Variants in LRRC55 observed in about 807,000 individuals in gnomAD.
LRRC55 encodes the protein leucine rich repeat containing 55.
In LRRC55, 11 loss-of-function variants were observed where a neutral mutation model predicts 20.5. The observed-to-expected ratio is 0.54, with a 90% CI of 0.34 to 0.89. The LOEUF is 0.89. Among genes scored for constraint, LRRC55 ranks in the 40% least tolerant of loss-of-function variants. LRRC55 has a pLI of 0.02. For synonymous variants in LRRC55, 188 were observed against 166.6 expected, an observed-to-expected ratio of 1.13 and a Z score of -0.99; for missense variants, 358 against 390.9, an observed-to-expected ratio of 0.92 and a Z score of 0.71.
chr11:57,182,275 C>T lies in LRRC55; in HGVS notation c.253C>T (p.Leu85Phe). Residue 85 changes from leucine to phenylalanine, a missense_variant, in exon 1 of 2, where the codon CTC (leucine) becomes TTC (phenylalanine). This residue lies in a region of LRRC55 where 175 missense variants were observed against 164.5 expected (regional missense o/e 1.06). Transcript: ENST00000497933. ...CATCACAGCAGTGCCGCCTGGCTAC[C>T]TCACATGCTACATGGAGCTCCAGGT... Reference protein sequence around the residue: ...NRITAVPPGYLTCYMELQVLD... With the variant: ...NRITAVPPGYFTCYMELQVLD... 1.2e-6 allele frequency: 2 copies of T among 1,614,234 alleles called. No individual in the cohort carries two copies. Among genetic ancestry groups the T allele is most frequent in the Non-Finnish European group, 1.7e-6 (2 of 1,180,034 alleles).
At chr11:57,184,907 T>C (rs60196378) in intron 1 of LRRC55, among the ~76,000 whole-genome samples, 8,245 of 152,180 alleles carry the variant, frequency 0.054, 742 homozygotes, top group African/African-American at 0.19. Flanking sequence ...ATCTACCTAA[T>C]AGACTTTAGA....
Position 57,190,144 on chromosome 11 carries a change from A to G in LRRC55, c.*2664A>G, listed in dbSNP as rs1327252114. 1.3e-5 allele frequency: 2 copies of G among 152,242 alleles called. No homozygotes were observed. Among genetic ancestry groups the G allele is most frequent in the Admixed American group, 1.3e-4 (2 of 15,280 alleles). The allele number at this position is 152,242 out of a possible 1,614,324, so 9.4% of individuals were successfully genotyped here. A position where few individuals can be genotyped will look rare whatever the true frequency, so the allele number is the denominator to read the frequency against. On this transcript the variant is annotated 3_prime_UTR_variant, in exon 2 of 2. Transcript: ENST00000497933. ...TCCCATAGGGGCATACCATAATACT[A>G]TAATAACCTCCCAGGAACTATTGTT...
Position 57,182,126 on chromosome 11 carries a change from G to A in LRRC55, c.104G>A (p.Gly35Asp), listed in dbSNP as rs144753786. The part of the protein sequence containing the change: ...LAAGLMHSDA[G>D]TSCPVLCTCR... Reference sequence around the variant, plus strand: ...GCCGGGTTGATGCACTCGGATGCCGGCACCAGCTGCCCCGTCCTTTGCACA... The same window carrying A: ...GCCGGGTTGATGCACTCGGATGCCGACACCAGCTGCCCCGTCCTTTGCACA... The change falls in exon 1 of 2, where the codon GGC becomes GAC. Residue 35 changes from glycine (G) to aspartate (D), a missense_variant. Transcript: ENST00000497933. 1.6e-4 allele frequency: 260 copies of A among 1,614,136 alleles called. 3 individuals are homozygous for A. The East Asian group carries it at 5.7e-3, about 35-fold the overall frequency.
rs1854461794 is a variant in LRRC55, at chr11:57,188,285, G to T, written c.*805G>T. ...GAGAGGCAGGAGGCCCAGCAACTGG[G>T]GCAGCAAGAGTCCTGGCACCTTGGG... On this transcript the variant is annotated 3_prime_UTR_variant, in exon 2 of 2. Coordinates refer to ENST00000497933, the MANE Select transcript of LRRC55 (RefSeq NM_001005210.4). 2 of 152,640 alleles carry T rather than the reference G, an allele frequency of 1.3e-5. No individual in the cohort carries two copies. Among genetic ancestry groups the T allele is most frequent in the Non-Finnish European group, 2.9e-5 (2 of 68,088 alleles). 9.5% of individuals were successfully genotyped at this position (152,640 alleles called of 1,614,324 possible).
At chr11:57,184,530 CTT>C (rs1208103898) in intron 1 of LRRC55, among the ~76,000 whole-genome samples, 2 of 152,256 alleles carry the variant, frequency 1.3e-5, no homozygotes, top group African/African-American at 4.8e-5. Flanking sequence ...ACAGAACACA[CTT>C]AACACCAGGC....
rs1854457100 is a variant in LRRC55, at chr11:57,187,955, T to C, written c.*475T>C. 1 of 204,510 alleles carries C rather than the reference T, an allele frequency of 4.9e-6. No individual in the cohort carries two copies. Among genetic ancestry groups the C allele is most frequent in the Admixed American group, 6.0e-5 (1 of 16,666 alleles). The allele number at this position is 204,510 out of a possible 1,614,324, so 12.7% of individuals were successfully genotyped here. A position where few individuals can be genotyped will look rare whatever the true frequency, so the allele number is the denominator to read the frequency against. On this transcript the variant is annotated 3_prime_UTR_variant, in exon 2 of 2. Coordinates refer to ENST00000497933, the MANE Select transcript of LRRC55 (RefSeq NM_001005210.4). ...GCATAGTGTGCTGTGTTGAGAAGAG[T>C]GAACAGTTCCTGGTCACTTACTTGT...
At chr11:57,182,815 T>C (rs1207430165) in intron 1 of LRRC55, 132 bp downstream of exon 1, 4 of 918,048 alleles carry the variant, frequency 4.4e-6, no homozygotes, top group Non-Finnish European at 6.0e-6. Context: ...CTTGCCTCTT[T>C]GTACACCAGC....
rs953579285 is a variant in LRRC55, at chr11:57,184,000, T to C, written c.661+1317T>C. ...TCCCAGAACCTGAGCTCAGCCCATGTTGAGAAGAAGCAATGCTGAATGTGG... is the reference window on the plus strand; with the variant it reads ...TCCCAGAACCTGAGCTCAGCCCATGCTGAGAAGAAGCAATGCTGAATGTGG... On this transcript the variant is annotated intron_variant, in intron 1 of 1. Transcript: ENST00000497933. Among the ~76,000 whole-genome samples, 15 of 152,194 alleles carry C rather than the reference T, an allele frequency of 9.9e-5. 1 individual carries two copies. Among genetic ancestry groups the C allele is most frequent in the African/African-American group, 2.4e-4 (10 of 41,450 alleles).
Position 57,187,461 on chromosome 11 carries a change from G to C in LRRC55, c.878G>C (p.Ser293Thr), listed in dbSNP as rs1327911344. The change falls in exon 2 of 2, where the codon AGT (serine) becomes ACT (threonine). Residue 293 changes from serine to threonine, a missense_variant. Transcript: ENST00000497933. ...ANCCHRWSKASEEEEI is the reference protein window; with the variant it reads ...ANCCHRWSKATEEEEI ...TGCTGCCACCGCTGGAGCAAGGCCA[G>C]TGAAGAGGAAGAGATCTGACATGCC... 6.2e-7 allele frequency: 1 copy of C among 1,613,964 alleles called. No homozygotes were observed. The highest frequency in any genetic ancestry group is 8.5e-7 in the Non-Finnish European group (1 of 1,180,048).
In LRRC55 at chr11:57,187,351, T is replaced by A. The variant is rs767758795; in HGVS notation, c.768T>A (p.Asp256Glu). 1 of 1,614,204 alleles carries A rather than the reference T, an allele frequency of 6.2e-7. No homozygotes were observed. The highest frequency in any genetic ancestry group is 2.2e-5 in the East Asian group (1 of 44,878). The change falls in exon 2 of 2, where the codon GAT becomes GAA. Residue 256 changes from aspartate (D) to glutamate (E), a missense_variant. Physicochemically the swap from Asp to Glu is conservative, Grantham distance 45. Transcript: ENST00000497933. ...FKACHLTLTL[D>E]DYLFIAFVGF... The stretch of plus-strand genomic sequence containing the variant: ...CCTGCCACCTGACCCTGACCCTGGA[T>A]GATTACCTATTCATTGCGTTCGTGG...
In LRRC55 at chr11:57,189,630, G is replaced by C. The variant is rs549764100; in HGVS notation, c.*2150G>C. 6.6e-6 allele frequency: 1 copy of C among 152,348 alleles called. No individual in the cohort carries two copies. The highest frequency in any genetic ancestry group is 2.1e-4 in the South Asian group (1 of 4,824). 9.4% of individuals were successfully genotyped at this position (152,348 alleles called of 1,614,324 possible). ...GCGTGTGTTGCAAGAGATACTAAGA[G>C]AGCAAGAAAGCTATAGGTGAGAACC... On this transcript the variant is annotated 3_prime_UTR_variant, in exon 2 of 2. Coordinates refer to ENST00000497933, the MANE Select transcript of LRRC55 (RefSeq NM_001005210.4).
intron 1 of LRRC55, among the ~76,000 whole-genome samples, chr11:57,185,257 T>TTCC (rs1854415370): frequency 6.9e-6 from 1 of 145,178 alleles, no homozygotes; most frequent in Non-Finnish European, 1.5e-5. Context: ...ATCCCCTTCT[T>TTCC]TTCTTTTCTT....
Position 57,182,717 on chromosome 11 carries a change from G to C in LRRC55, c.661+34G>C, listed in dbSNP as rs780322178. On this transcript the variant is annotated intron_variant, in intron 1 of 1. Transcript: ENST00000497933. Reference sequence around the variant, plus strand: ...GGGGCAGAACGGGGCAGTCAACAGGGAGGGCTTGCCTCAATGGGAAGCAAA... The same window carrying C: ...GGGGCAGAACGGGGCAGTCAACAGGCAGGGCTTGCCTCAATGGGAAGCAAA... The C allele has an allele frequency of 2.1e-6, 3 of 1,439,234 alleles. No homozygotes were observed. The South Asian group carries it at 5.5e-5, about 26-fold the overall frequency. 89.2% of individuals were successfully genotyped at this position (1,439,234 alleles called of 1,614,324 possible). A position where few individuals can be genotyped will look rare whatever the true frequency, so the allele number is the denominator to read the frequency against.
At chr11:57,182,813 T>A in intron 1 of LRRC55, 130 bp downstream of exon 1, 1 of 934,992 alleles carries the variant, frequency 1.1e-6, no homozygotes, top group Non-Finnish European at 1.5e-6. Context: ...GGCTTGCCTC[T>A]TTGTACACCA....
rs716745 is a variant in LRRC55, at chr11:57,187,372, C to T, written c.789C>T (p.Phe263=). ...TGGATGATTACCTATTCATTGCGTT[C>T]GTGGGCTTCGTGGTCTCCATTGCTT... ...LTLDDYLFIA[F]VGFVVSIASV... Residue 263 remains phenylalanine, a synonymous_variant, in exon 2 of 2, where the codon TTC becomes TTT. Transcript: ENST00000497933. The T allele has an allele frequency of 0.35, 563,635 of 1,613,938 alleles. 101,439 individuals are homozygous for T. Among genetic ancestry groups the T allele is most frequent in the Non-Finnish European group, 0.38 (447,618 of 1,179,924 alleles).
intron 1 of LRRC55, among the ~76,000 whole-genome samples, chr11:57,185,518 ATCCACC>A (rs5792030): frequency 0.47 from 71,109 of 150,882 alleles, 17,633 homozygotes; most frequent in African/African-American, 0.64. Context: ...TGACCTCATG[ATCCACC>A]TCCACCCGCC....
chr11:57,182,155 C>G lies in LRRC55; in HGVS notation c.133C>G (p.Arg45Gly). The G allele has an allele frequency of 6.2e-7, 1 of 1,614,150 alleles. No homozygotes were observed. Among genetic ancestry groups the G allele is most frequent in the Non-Finnish European group, 8.5e-7 (1 of 1,180,026 alleles). ...GTSCPVLCTC[R>G]NQVVDCSSQR... The stretch of plus-strand genomic sequence containing the variant: ...CAGCTGCCCCGTCCTTTGCACATGC[C>G]GTAACCAGGTGGTGGATTGTAGCAG... The change falls in exon 1 of 2, where the codon CGT becomes GGT. Residue 45 changes from arginine to glycine, a missense_variant. Arg to Gly is a moderately radical substitution (Grantham distance 125). Transcript: ENST00000497933.
At chr11:57,185,270 C>CTTCTTTTTTT (rs1854416014) in intron 1 of LRRC55, among the ~76,000 whole-genome samples, 1 of 89,414 alleles carries the variant, frequency 1.1e-5, no homozygotes, top group Non-Finnish European at 2.0e-5. Context: ...CTTTTCTTTT[C>CTTCTTTTTTT]TTTTTTTTTT....
Position 57,187,151 on chromosome 11 carries a change from C to T in LRRC55, c.662-94C>T, listed in dbSNP as rs542281912. 5.1e-5 allele frequency: 56 copies of T among 1,100,042 alleles called. No homozygotes were observed. In the East Asian group the frequency reaches 1.3e-3, roughly 25 times the overall value. The allele number at this position is 1,100,042 out of a possible 1,614,324, so 68.1% of individuals were successfully genotyped here. On this transcript the variant is annotated intron_variant, in intron 1 of 1. Transcript: ENST00000497933. ...CACATGGAAGAACTTCAATGAATGT[C>T]TTTCTTACTTTTTCCAGCAAGCGGT...
Sources: gnomAD v4.1 joint callset for allele counts (sites outside exome capture counted in the v4.1 genomes callset) on GRCh38, gnomAD v4.1.1 for gene constraint, gnomAD v4.1.1 regional missense constraint, MANE v1.5 for transcripts, NCBI Gene and HGNC (gene_info 2026-07-23, HGNC 2026-07-21) for gene names.